LRRC49: variants seen among roughly 807,000 people sequenced by gnomAD.
The protein encoded by LRRC49 is leucine rich repeat containing 49.
A neutral mutation model predicts 83.3 loss-of-function variants in LRRC49; 50 were observed. The observed-to-expected ratio is 0.60, with a 90% CI of 0.48 to 0.76. The LOEUF (loss-of-function observed/expected upper bound fraction) is 0.76, where lower values mean the gene tolerates loss of function less well. LRRC49 is among the 30% of genes least tolerant of loss of function. The pLI is 0.00. For synonymous variants in LRRC49, 286 were observed against 283.3 expected, an observed-to-expected ratio of 1.01 and a Z score of -0.10; for missense variants, 704 against 809.1, an observed-to-expected ratio of 0.87 and a Z score of 1.58.
At chr15:70,871,038 G>A (rs912880689) in intron 1 of LRRC49, among the ~76,000 whole-genome samples, 10 of 151,402 alleles carry the variant, frequency 6.6e-5, no homozygotes, top group African/African-American at 2.4e-4. Flanking sequence ...ATAGTGGAGC[G>A]AAGGTCAGCA....
intron 5 of LRRC49, among the ~76,000 whole-genome samples, chr15:70,908,430 G>A (rs1276196497): frequency 6.6e-6 from 1 of 152,140 alleles, no homozygotes; most frequent in Admixed American, 6.5e-5. Context: ...CTGCTTATTG[G>A]TTGGATTGGG....
intron 3 of LRRC49, among the ~76,000 whole-genome samples, chr15:70,896,997 T>C (rs960009066): frequency 3.9e-5 from 6 of 152,206 alleles, no homozygotes; most frequent in African/African-American, 1.4e-4. Flanking sequence ...AAGCAAGTAT[T>C]GTGTGCCGAT....
At chr15:70,985,487 T>A (rs2037573487) in intron 11 of LRRC49, among the ~76,000 whole-genome samples, 1 of 152,204 alleles carries the variant, frequency 6.6e-6, no homozygotes, top group Non-Finnish European at 1.5e-5. Flanking sequence ...TTTGTTTTTT[T>A]CTTGTAAATG....
intron 7 of LRRC49, among the ~76,000 whole-genome samples, chr15:70,928,003 C>T (rs2035271139): frequency 6.6e-6 from 1 of 152,100 alleles, no homozygotes; most frequent in African/African-American, 2.4e-5. Context: ...GATCATAGTT[C>T]ATTTTTCCCA....
intron 2 of LRRC49, among the ~76,000 whole-genome samples, chr15:70,876,988 A>G (rs938301010): frequency 6.6e-6 from 1 of 152,110 alleles, no homozygotes; most frequent in Non-Finnish European, 1.5e-5. Context: ...TCTTCAGTCT[A>G]ATGATGCCAC....
intron 1 of LRRC49, 76 bp downstream of exon 1, chr15:70,893,018 G>T: frequency 6.6e-7 from 1 of 1,524,352 alleles, no homozygotes; most frequent in South Asian, 1.1e-5. Flanking sequence ...TAGGAGATGG[G>T]CTGTATTATT....
intron 2 of LRRC49, among the ~76,000 whole-genome samples, chr15:70,880,590 T>C (rs909339119): frequency 6.6e-6 from 1 of 152,226 alleles, no homozygotes; most frequent in Non-Finnish European, 1.5e-5. Flanking sequence ...TCCTTATACG[T>C]CATTTAAAAT....
chr15:71,012,939 T>C, intron 14 of LRRC49, 26 bp downstream of exon 14: 1 of 1,418,936 alleles, frequency 7.0e-7, no homozygotes, highest in South Asian at 1.2e-5. Context: ...TGTAGTTTTT[T>C]ATAGAATTAC....
intron 9 of LRRC49, among the ~76,000 whole-genome samples, chr15:70,972,016 C>G (rs2037023216): frequency 1.3e-5 from 2 of 152,014 alleles, no homozygotes; most frequent in Non-Finnish European, 2.9e-5. Context: ...TGAAATTGAT[C>G]CTGTAATTAT....
intron 9 of LRRC49, among the ~76,000 whole-genome samples, chr15:70,979,473 G>A (rs1376130453): frequency 6.6e-6 from 1 of 150,882 alleles, no homozygotes; most frequent in Non-Finnish European, 1.5e-5. Flanking sequence ...TTTGTAGTTA[G>A]AACATATAAG....
intron 14 of LRRC49, among the ~76,000 whole-genome samples, chr15:71,016,585 C>T (rs62019107): frequency 0.014 from 2,094 of 151,816 alleles, 22 homozygotes; most frequent in Non-Finnish European, 0.02. Flanking sequence ...CAAACACTGA[C>T]GCTCCAGAAA....
chr15:71,042,444 A>C (rs944034040), intron 15 of LRRC49, among the ~76,000 whole-genome samples: 2 of 152,164 alleles, frequency 1.3e-5, no homozygotes, highest in African/African-American at 4.8e-5. Context: ...TTTGGAAAGA[A>C]ACACTAATCT....
chr15:70,882,314 T>C, intron 2 of LRRC49: 1 of 698,542 alleles, frequency 1.4e-6, no homozygotes, highest in East Asian at 2.6e-5. Flanking sequence ...AAGCAAACTT[T>C]TGCCTTAGAG....
At chr15:71,042,412 A>C (rs1596178298) in intron 15 of LRRC49, among the ~76,000 whole-genome samples, 1 of 152,218 alleles carries the variant, frequency 6.6e-6, no homozygotes, top group Non-Finnish European at 1.5e-5. Flanking sequence ...AGAGGAAAGA[A>C]GGAATCTGAA....
intron 5 of LRRC49, among the ~76,000 whole-genome samples, chr15:70,909,436 G>A (rs1213300504): frequency 6.6e-6 from 1 of 152,162 alleles, no homozygotes; most frequent in Non-Finnish European, 1.5e-5. Flanking sequence ...TTCTCTAATA[G>A]CTATTAGAAA....
intron 1 of LRRC49, among the ~76,000 whole-genome samples, chr15:70,866,077 A>G (rs1437616150): frequency 4.6e-5 from 7 of 152,052 alleles, no homozygotes; most frequent in African/African-American, 1.4e-4. Flanking sequence ...TCATTACTCT[A>G]ATCTCATTGT....
At chr15:70,886,330 ACAC>A (rs1387197006) in intron 2 of LRRC49, among the ~76,000 whole-genome samples, 2 of 152,224 alleles carry the variant, frequency 1.3e-5, no homozygotes, top group African/African-American at 4.8e-5. Flanking sequence ...TCCTCTATCA[ACAC>A]CACTTTACTG....
intron 2 of LRRC49, among the ~76,000 whole-genome samples, chr15:70,886,741 C>T (rs746427864): frequency 1.3e-5 from 2 of 152,002 alleles, no homozygotes; most frequent in Non-Finnish European, 2.9e-5. Flanking sequence ...TGGCAGGCAC[C>T]TGTAATCCCA....
intron 8 of LRRC49, among the ~76,000 whole-genome samples, chr15:70,960,209 T>C (rs1261134016): frequency 6.6e-6 from 1 of 152,186 alleles, no homozygotes; most frequent in African/African-American, 2.4e-5. Flanking sequence ...GCAGTGCCAG[T>C]GTTACTGGGC....
Sources: allele counts gnomAD v4.1 joint callset (sites outside exome capture counted in the v4.1 genomes callset), GRCh38; gene constraint gnomAD v4.1.1; transcripts MANE v1.5; gene names NCBI Gene and HGNC (gene_info 2026-07-23, HGNC 2026-07-21).